Variants in TXLNA observed in about 807,000 individuals in gnomAD.
The protein encoded by TXLNA is alpha-taxilin.
In TXLNA, 9 loss-of-function variants were observed where a neutral mutation model predicts 61.4. The observed-to-expected ratio is 0.15, with a 90% CI of 0.09 to 0.26. The LOEUF (loss-of-function observed/expected upper bound fraction) is 0.26. Ranked by LOEUF, TXLNA falls within the 10% of genes least tolerant of loss-of-function variation. The pLI is 1.00. For synonymous variants in TXLNA, 257 were observed against 267.7 expected, an observed-to-expected ratio of 0.96 and a Z score of 0.39; for missense variants, 565 against 688.8, an observed-to-expected ratio of 0.82 and a Z score of 2.01.
Position 32,195,155 on chromosome 1 carries a change from G to T in TXLNA, c.1601G>T (p.Gly534Val). ...YPGAPSTEAS[G>V]QTGPQEPTSA... The stretch of plus-strand genomic sequence containing the variant: ...GGAGCACCGAGCACAGAAGCATCAG[G>T]CCAGACTGGGCCTCAAGAGCCCACC... Residue 534 changes from glycine (G) to valine (V), a missense_variant, in exon 11 of 11, where the codon GGC becomes GTC. By Grantham distance (109) the Gly-to-Val change is moderately radical (BLOSUM62 -3). Transcript: ENST00000373610. 6.2e-7 allele frequency: 1 copy of T among 1,609,866 alleles called. No individual in the cohort carries two copies. The highest frequency in any genetic ancestry group is 8.5e-7 in the Non-Finnish European group (1 of 1,178,232).
At chr1:32,193,949 C>A in intron 9 of TXLNA, 116 bp from the exon 10 acceptor site, 1 of 762,878 alleles carries the variant, frequency 1.3e-6, no homozygotes, top group Non-Finnish European at 2.2e-6. Flanking sequence ...TAATGCCTTG[C>A]GCCTTGGGAT....
chr1:32,192,172 T>G lies in TXLNA; in HGVS notation c.964-139T>G. ...TGACCTTCCAGAGACTTGGGGCCCA[T>G]GTTGTGTGGTACACATGGGAGTCCA... On this transcript the variant is annotated intron_variant, in intron 6 of 10. Transcript: ENST00000373610. This position sits in a 1 kb window ranked among gnomAD's most constrained non-coding sequence, Gnocchi z 4.2. The G allele has an allele frequency of 2.3e-6, 3 of 1,289,358 alleles. No individual in the cohort carries two copies. Among genetic ancestry groups the G allele is most frequent in the Non-Finnish European group, 2.1e-6 (2 of 938,676 alleles). 79.9% of individuals were successfully genotyped at this position (1,289,358 alleles called of 1,614,324 possible).
intron 1 of TXLNA, 38 bp from the exon 2 acceptor site, chr1:32,180,276 C>G (rs1291636377): frequency 1.3e-6 from 2 of 1,505,990 alleles, no homozygotes; most frequent in Admixed American, 4.7e-5. Flanking sequence ...CGAAGAATTT[C>G]GAAGTCTGGA....
At position 32,197,480 on chromosome 1, in the gene TXLNA, AC is replaced by A. The variant is rs892359697; in HGVS notation, c.*2287del. ...GGCCAGTCTGCAGATGAGGTTCCCTACCTTTTTCTTCTCTTCATTGACCAAA... is the reference window on the plus strand; with the variant it reads ...GGCCAGTCTGCAGATGAGGTTCCCTACTTTTTCTTCTCTTCATTGACCAAA... On this transcript the variant is annotated 3_prime_UTR_variant, in exon 11 of 11. Coordinates refer to ENST00000373610, the MANE Select transcript of TXLNA (RefSeq NM_175852.4). The surrounding 1 kb of genome is among the most constrained non-coding windows in gnomAD (Gnocchi z 4.6). The A allele has an allele frequency of 3.9e-5, 6 of 152,246 alleles. No homozygotes were observed. Among genetic ancestry groups the A allele is most frequent in the Admixed American group, 2.6e-4 (4 of 15,286 alleles). 9.4% of individuals were successfully genotyped at this position (152,246 alleles called of 1,614,324 possible).
intron 3 of TXLNA, among the ~76,000 whole-genome samples, chr1:32,182,601 G>A (rs924348862): frequency 3.4e-4 from 51 of 149,584 alleles, no homozygotes; most frequent in African/African-American, 1.2e-3. Flanking sequence ...GGCAGAGGTT[G>A]CAGTGAACTG....
chr1:32,194,209 A>G (rs762713210), intron 10 of TXLNA, 49 bp downstream of exon 10: 6 of 1,471,324 alleles, frequency 4.1e-6, no homozygotes, highest in East Asian at 2.3e-5. Context: ...CACTTAGCGC[A>G]TATCAGGCCC....
Position 32,181,332 on chromosome 1 carries a change from G to A in TXLNA, c.260G>A (p.Cys87Tyr). ...RQLEDILSTY[C>Y]VDNNQGGPGE... ...CTGGAAGACATACTGAGCACATACT[G>A]TGTGGACAATAACCAGGGGGGCCCC... The change falls in exon 3 of 11, where the codon TGT becomes TAT. Residue 87 changes from cysteine to tyrosine, a missense_variant. Cys to Tyr is a radical substitution (Grantham distance 194). Coordinates refer to ENST00000373610, the MANE Select transcript of TXLNA (RefSeq NM_175852.4). 1 of 1,614,208 alleles carries A rather than the reference G, an allele frequency of 6.2e-7. No individual in the cohort carries two copies. Among genetic ancestry groups the A allele is most frequent in the African/African-American group, 1.3e-5 (1 of 75,062 alleles).
Position 32,195,592 on chromosome 1 carries a change from A to T in TXLNA, c.*397A>T. ...CTCCCTGCCCTTCAGAGCTCAAGAC[A>T]AGTAATACACCCAGGTCTTGACTGC... On this transcript the variant is annotated 3_prime_UTR_variant, in exon 11 of 11. Transcript: ENST00000373610. 2.5e-6 allele frequency: 1 copy of T among 392,672 alleles called. No homozygotes were observed. The highest frequency in any genetic ancestry group is 1.9e-5 in the South Asian group (1 of 51,390). 24.3% of individuals were successfully genotyped at this position (392,672 alleles called of 1,614,324 possible).
At chr1:32,187,839 T>G in intron 4 of TXLNA, 115 bp from the exon 5 acceptor site, 1 of 1,182,004 alleles carries the variant, frequency 8.5e-7, no homozygotes, top group Non-Finnish European at 1.2e-6. Context: ...AGAGTGCTCC[T>G]GGCCTGAGAG....
chr1:32,188,217 G>A (rs114903342), intron 5 of TXLNA, 93 bp downstream of exon 5: 21,987 of 1,379,524 alleles, frequency 0.016, 240 homozygotes, highest in Admixed American at 0.022. Flanking sequence ...AAGTAGTGCA[G>A]GCTAGGGCCA....
intron 6 of TXLNA, among the ~76,000 whole-genome samples, 194 bp downstream of exon 6, chr1:32,190,443 C>T (rs1557504716): frequency 6.6e-6 from 1 of 152,146 alleles, no homozygotes; most frequent in Admixed American, 6.5e-5. Context: ...TACAGCCACA[C>T]AGCCCCAGGT....
At position 32,190,084 on chromosome 1, in the gene TXLNA, G is replaced by T; in HGVS notation, c.798G>T (p.Glu266Asp). 2 of 1,586,316 alleles carry T rather than the reference G, an allele frequency of 1.3e-6. No individual in the cohort carries two copies. Among genetic ancestry groups the T allele is most frequent in the Non-Finnish European group, 1.7e-6 (2 of 1,166,312 alleles). The change falls in exon 6 of 11, where the codon GAG becomes GAT. Residue 266 changes from glutamate to aspartate, a missense_variant. Physicochemically the swap from Glu to Asp is conservative, Grantham distance 45. Around this residue, in one of 2 missense-constraint regions of TXLNA, gnomAD observed 373 missense variants for 504.0 expected, o/e 0.74. Transcript: ENST00000373610. ...AAGGTGTGCAGCGGGCCCGGGAGGA[G>T]GAGGAGAAGCGCAAGGAGGTGACCT... Reference protein sequence around the residue: ...KEEGVQRAREEEEKRKEVTSH... With the variant: ...KEEGVQRAREDEEKRKEVTSH...
rs55879873 is a variant in TXLNA, at chr1:32,192,461, G to GGT, written c.1083+33_1083+34dup. On this transcript the variant is annotated intron_variant, in intron 7 of 10. Coordinates refer to ENST00000373610, the MANE Select transcript of TXLNA (RefSeq NM_175852.4). This position sits in a 1 kb window ranked among gnomAD's most constrained non-coding sequence, Gnocchi z 4.2. ...GCTCAGGCCCCAGGGTTGGGGTGGG[G>GGT]GTGGGAGGAGACAGGCTGGGCTCTG... The GGT allele has an allele frequency of 0.65, 1,048,384 of 1,609,956 alleles. 348,444 individuals are homozygous for GGT. The highest frequency in any genetic ancestry group is 0.93 in the East Asian group (41,445 of 44,758).
intron 3 of TXLNA, among the ~76,000 whole-genome samples, chr1:32,182,090 C>T (rs555904853): frequency 8.2e-5 from 11 of 134,930 alleles, no homozygotes; most frequent in Non-Finnish European, 1.2e-4. Context: ...AGGCTGGGTG[C>T]AGTCAGGCTT....
intron 6 of TXLNA, among the ~76,000 whole-genome samples, chr1:32,191,459 G>A (rs1569625529): frequency 6.6e-6 from 1 of 152,224 alleles, no homozygotes; most frequent in East Asian, 1.9e-4. Context: ...GAGGGGAGTT[G>A]GTTTGGTTCT....
In TXLNA at chr1:32,180,523, C is replaced by A. The variant is rs1642631355; in HGVS notation, c.169+9C>A. On this transcript the variant is annotated intron_variant, in intron 2 of 10. Transcript: ENST00000373610. ...TCCTCGGAAGCCGGAGGGTGTGTGC[C>A]AGCTCTGCGTTGCCAGCGGGCAGGG... The A allele has an allele frequency of 6.3e-7, 1 of 1,589,932 alleles. No individual in the cohort carries two copies.
intron 6 of TXLNA, among the ~76,000 whole-genome samples, chr1:32,191,560 G>A (rs1024283402): frequency 2.0e-5 from 3 of 151,842 alleles, no homozygotes; most frequent in African/African-American, 4.8e-5. Context: ...TTCTCTCCCC[G>A]CCAAGGCAAA....
At chr1:32,180,618 T>G in intron 2 of TXLNA, 104 bp downstream of exon 2, 1 of 1,414,392 alleles carries the variant, frequency 7.1e-7, no homozygotes, top group Middle Eastern at 2.6e-4. Flanking sequence ...GAGGAGGAGA[T>G]GTAGAATGAG....
intron 3 of TXLNA, among the ~76,000 whole-genome samples, chr1:32,183,749 AT>A (rs1642722910): frequency 7.9e-6 from 1 of 126,394 alleles, no homozygotes; most frequent in South Asian, 2.5e-4. Context: ...TAATTAATTA[AT>A]TTTTTTAGAC....
Sources: allele counts gnomAD v4.1 joint callset (sites outside exome capture counted in the v4.1 genomes callset), GRCh38; gene constraint gnomAD v4.1.1; regional missense constraint gnomAD v4.1.1; non-coding constraint Gnocchi (gnomAD v3.1); transcripts MANE v1.5; gene names NCBI Gene and HGNC (gene_info 2026-07-23, HGNC 2026-07-21).